The following TMEM225B variants were observed in gnomAD, a reference collection of about 807,000 sequenced individuals.
TMEM225B encodes the protein transmembrane protein 225B.
TMEM225B carries 10 observed loss-of-function variants against 16.9 expected under a neutral mutation model. The ratio of observed to expected loss-of-function variants is 0.59; its 90% CI spans 0.36 to 1.00. TMEM225B has a LOEUF of 1.00. TMEM225B is among the 50% of genes least tolerant of loss of function. TMEM225B has a pLI of 0.01. For synonymous variants in TMEM225B, 92 were observed against 109.8 expected (o/e 0.84, Z 1.01); for missense variants, 217 against 267.0 (o/e 0.81, Z 1.30).
chr7:99,609,619 A>AGAGAT (rs1246402297), intron 5 of TMEM225B, among the ~76,000 whole-genome samples: 1 of 151,880 alleles, frequency 6.6e-6, no homozygotes, highest in Non-Finnish European at 1.5e-5. Context: ...TATTTTTAGT[A>AGAGAT]GAGATGGGGT....
chr7:99,600,335 G>A, intron 2 of TMEM225B, 50 bp downstream of exon 2: 2 of 702,332 alleles, frequency 2.8e-6, no homozygotes, highest in Non-Finnish European at 5.2e-6. Context: ...AGGGCTGCGT[G>A]GAGTGGACAG....
intron 2 of TMEM225B, 132 bp from the exon 3 acceptor site, chr7:99,604,254 C>A (rs913795740): frequency 3.0e-5 from 19 of 640,002 alleles, no homozygotes; most frequent in East Asian, 8.2e-5. Context: ...GCAAAGAAAT[C>A]ATCATTTACT....
chr7:99,607,749 G>A lies in TMEM225B; in HGVS notation c.432G>A (p.Gln144=), dbSNP rs1342981158. Reference sequence around the variant, plus strand: ...TGAGGATGAAGCTCGGCCCCCTGCAGTTCTCCGTGCTGTGGCCTTACTACG... The same window carrying A: ...TGAGGATGAAGCTCGGCCCCCTGCAATTCTCCGTGCTGTGGCCTTACTACG... The part of the protein sequence containing the change: ...KALRMKLGPL[Q]FSVLWPYYVL... The change falls in exon 5 of 6, where the codon CAG becomes CAA. Residue 144 remains glutamine, a synonymous_variant. Transcript: ENST00000431679. The A allele has an allele frequency of 1.3e-6, 2 of 1,536,126 alleles. No individual in the cohort carries two copies. The highest frequency in any genetic ancestry group is 1.2e-5 in the South Asian group (1 of 84,066).
At chr7:99,601,863 T>C (rs568815858) in intron 2 of TMEM225B, among the ~76,000 whole-genome samples, 81 of 152,308 alleles carry the variant, frequency 5.3e-4, no homozygotes, top group African/African-American at 1.8e-3. Flanking sequence ...CCCCCTTCCC[T>C]GGCTGCAGTG....
intron 5 of TMEM225B, among the ~76,000 whole-genome samples, chr7:99,608,481 CT>C (rs1806007208): frequency 6.6e-6 from 1 of 151,498 alleles, no homozygotes; most frequent in African/African-American, 2.4e-5. Flanking sequence ...GAACTAAACT[CT>C]TTCAAATTTT....
chr7:99,606,833 C>A lies in TMEM225B; in HGVS notation c.294C>A (p.Ser98=), dbSNP rs1053143028. The A allele has an allele frequency of 6.5e-7, 1 of 1,536,096 alleles. No individual in the cohort carries two copies. Among genetic ancestry groups the A allele is most frequent in the South Asian group, 1.2e-5 (1 of 84,056 alleles). ...CCTTCATCATGATGCCCTTTGCATCCGAGTTCTTCCCGAGGACCTGGAAGC... is the reference window on the plus strand; with the variant it reads ...CCTTCATCATGATGCCCTTTGCATCAGAGTTCTTCCCGAGGACCTGGAAGC... ...VTTFIMMPFA[S]EFFPRTWKQN... is the part of the protein sequence containing the mutation. The change falls in exon 4 of 6, where the codon TCC becomes TCA. Residue 98 remains serine, a synonymous_variant. Transcript: ENST00000431679.
chr7:99,607,119 A>G (rs1292390404), intron 4 of TMEM225B, among the ~76,000 whole-genome samples: 2 of 151,818 alleles, frequency 1.3e-5, no homozygotes, highest in African/African-American at 2.4e-5. Flanking sequence ...TCCCAAGTAG[A>G]TGGGACTCTA....
chr7:99,604,029 G>GC (rs1554404476), intron 2 of TMEM225B, among the ~76,000 whole-genome samples: 2 of 152,062 alleles, frequency 1.3e-5, no homozygotes, highest in Non-Finnish European at 2.9e-5. Flanking sequence ...TAGTGGGATT[G>GC]CAGGTGTGAA....
chr7:99,604,541 T>G lies in TMEM225B; in HGVS notation c.153T>G (p.Ser51Arg). The change falls in exon 3 of 6, where the codon AGT (serine) becomes AGG (arginine). Residue 51 changes from serine to arginine, a missense_variant. Transcript: ENST00000431679. ...TNEESHEVFF[S>R]GLFENCFNAK... ...AGGAGTCCCACGAAGTCTTTTTCAG[T>G]GGCCTATTTGAGAACTGCTTCAATG... 2 of 1,536,152 alleles carry G rather than the reference T, an allele frequency of 1.3e-6. No homozygotes were observed. Among genetic ancestry groups the G allele is most frequent in the Non-Finnish European group, 1.7e-6 (2 of 1,146,922 alleles).
chr7:99,607,920 G>A (rs551215092), intron 5 of TMEM225B, 110 bp downstream of exon 5: 186 of 1,175,752 alleles, frequency 1.6e-4, no homozygotes, highest in Non-Finnish European at 2.0e-4. Flanking sequence ...GTTCCAAACC[G>A]CAGCTGCCAG....
At chr7:99,609,943 C>T (rs1304221023) in intron 5 of TMEM225B, among the ~76,000 whole-genome samples, 9 of 151,636 alleles carry the variant, frequency 5.9e-5, no homozygotes, top group Non-Finnish European at 1.2e-4. Context: ...TGCTATGTCG[C>T]CCATGATGAG....
rs1368915642 is a variant in TMEM225B, at chr7:99,604,608, T to TGGAGGCGGGGAGGAGAGAGAG, written c.208+17_208+37dup. The TGGAGGCGGGGAGGAGAGAGAG allele has an allele frequency of 6.5e-7, 1 of 1,532,710 alleles. No homozygotes were observed. Among genetic ancestry groups the TGGAGGCGGGGAGGAGAGAGAG allele is most frequent in the East Asian group, 2.4e-5 (1 of 40,886 alleles). 94.9% of individuals were successfully genotyped at this position (1,532,710 alleles called of 1,614,324 possible). On this transcript the variant is annotated intron_variant, in intron 3 of 5. Transcript: ENST00000431679. ...TCGACCCTTATCCAGTAAGGAGGGATGGAGGCGGGGAGGAGAGAGAGGGAG... is the reference window on the plus strand; with the variant it reads ...TCGACCCTTATCCAGTAAGGAGGGATGGAGGCGGGGAGGAGAGAGAGGGAGGCGGGGAGGAGAGAGAGGGAG...
At chr7:99,600,159 CA>C (rs769120083) in intron 1 of TMEM225B, 45 bp from the exon 2 acceptor site, 24 of 702,324 alleles carry the variant, frequency 3.4e-5, no homozygotes, top group Middle Eastern at 4.6e-4. Context: ...GCTGTGAAGA[CA>C]AAAGCACTGC....
intron 5 of TMEM225B, 26 bp from the exon 6 acceptor site, chr7:99,610,367 T>G: frequency 6.5e-7 from 1 of 1,532,116 alleles, no homozygotes; most frequent in Non-Finnish European, 8.7e-7. Context: ...TTCTCTGACC[T>G]GACCCAAACG....
In TMEM225B at chr7:99,610,426, C is replaced by G. The variant is rs946670790; in HGVS notation, c.527C>G (p.Pro176Arg). 6.5e-7 allele frequency: 1 copy of G among 1,536,010 alleles called. No individual in the cohort carries two copies. The highest frequency in any genetic ancestry group is 2.0e-5 in the Admixed American group (1 of 51,006). ...TGCCTCATTCAAGAAATGGTTTGCC[C>G]TTGCTGGCACTTGTTGTCCACTTCC... ...TICLIQEMVC[P>R]CWHLLSTSQS... The change falls in exon 6 of 6, where the codon CCT becomes CGT. Residue 176 changes from proline to arginine, a missense_variant. Physicochemically the swap from Pro to Arg is moderately radical, Grantham distance 103. Transcript: ENST00000431679.
intron 3 of TMEM225B, among the ~76,000 whole-genome samples, chr7:99,604,808 A>G (rs753916943): frequency 6.6e-6 from 1 of 152,162 alleles, no homozygotes; most frequent in Non-Finnish European, 1.5e-5. Context: ...AGCCTGGGCA[A>G]CATAGCCAAA....
rs546819727 is a variant in TMEM225B at position 99,601,809 on chromosome 7, G to A, written c.-4+1524G>A. 8.5e-5 allele frequency among the ~76,000 whole-genome samples: 13 copies of A among 152,266 alleles called. No homozygotes were observed. In the East Asian group the frequency reaches 1.2e-3, roughly 14 times the overall value. On this transcript the variant is annotated intron_variant, in intron 2 of 5. Transcript: ENST00000431679. ...ATAGCCATTGGTAGCTCTCAGAGAC[G>A]CCCCCTTCCCTGGCTGCAGCAAGTG...
intron 4 of TMEM225B, 33 bp from the exon 5 acceptor site, chr7:99,607,640 G>A: frequency 6.6e-7 from 1 of 1,522,924 alleles, no homozygotes; most frequent in Non-Finnish European, 8.8e-7. Context: ...TAGCATGGGA[G>A]GAGACCGAGG....
intron 5 of TMEM225B, among the ~76,000 whole-genome samples, chr7:99,608,547 C>CTTT (rs542884054): frequency 9.3e-5 from 12 of 128,836 alleles, no homozygotes; most frequent in African/African-American, 3.3e-4. Context: ...CTGTCTCTAC[C>CTTT]TTTTTTTTTT....
Sources: gnomAD v4.1 joint callset for allele counts (sites outside exome capture counted in the v4.1 genomes callset) on GRCh38, gnomAD v4.1.1 for gene constraint, MANE v1.5 for transcripts, NCBI Gene and HGNC (gene_info 2026-07-23, HGNC 2026-07-21) for gene names.